The following NR2F1-AS1 variants were observed in gnomAD, a reference collection of about 807,000 sequenced individuals.
The protein encoded by NR2F1-AS1 is NR2F1 antisense RNA 1.
chr5:93,434,831 T>C (rs1180659513), intron 4 of NR2F1-AS1, among the ~76,000 whole-genome samples: 1 of 152,174 alleles, frequency 6.6e-6, no homozygotes, highest in African/African-American at 2.4e-5. Flanking sequence ...ATTTTTTTTA[T>C]AATTAGATTT....
chr5:93,505,875 C>A (rs578229286), intron 4 of NR2F1-AS1, among the ~76,000 whole-genome samples: 2 of 152,140 alleles, frequency 1.3e-5, no homozygotes, highest in East Asian at 1.9e-4. Context: ...ATTTTCCCCA[C>A]GGTCTTGGGG....
intron 4 of NR2F1-AS1, among the ~76,000 whole-genome samples, chr5:93,505,458 A>G (rs1318202559): frequency 6.6e-6 from 1 of 152,158 alleles, no homozygotes; most frequent in Non-Finnish European, 1.5e-5. Flanking sequence ...CTCCAACCCC[A>G]CATTTCCCTT....
chr5:93,501,840 A>G (rs1387562440), intron 4 of NR2F1-AS1, among the ~76,000 whole-genome samples: 1 of 152,206 alleles, frequency 6.6e-6, no homozygotes. Flanking sequence ...ATGCTCTCAA[A>G]CAGTGTCATA....
chr5:93,501,065 G>A (rs1045581094), intron 4 of NR2F1-AS1, among the ~76,000 whole-genome samples: 2 of 152,102 alleles, frequency 1.3e-5, no homozygotes, highest in African/African-American at 2.4e-5. Context: ...TTTCATAAAA[G>A]GAGATCAAAA....
intron 4 of NR2F1-AS1, among the ~76,000 whole-genome samples, chr5:93,455,428 T>A (rs1469390511): frequency 6.6e-5 from 10 of 151,594 alleles, no homozygotes. Flanking sequence ...GGTTAATAAG[T>A]CAACAGAAGA....
intron 4 of NR2F1-AS1, among the ~76,000 whole-genome samples, chr5:93,482,316 G>A (rs980330013): frequency 1.1e-4 from 16 of 152,088 alleles, no homozygotes; most frequent in African/African-American, 3.9e-4. Flanking sequence ...CGAAGCAGGT[G>A]GGGCATCACC....
intron 4 of NR2F1-AS1, among the ~76,000 whole-genome samples, chr5:93,531,729 A>T (rs1235365106): frequency 1.3e-5 from 2 of 152,212 alleles, no homozygotes; most frequent in Non-Finnish European, 2.9e-5. Flanking sequence ...ATGAAAAGAC[A>T]TCAAAACTGA....
chr5:93,573,348 A>T (rs75438180), intron 1 of NR2F1-AS1, among the ~76,000 whole-genome samples: 5,072 of 152,216 alleles, frequency 0.033, 274 homozygotes, highest in African/African-American at 0.12. Context: ...GGAATTAGGG[A>T]ATTCGGGACG....
At chr5:93,504,477 A>AG (rs1751145613) in intron 4 of NR2F1-AS1, among the ~76,000 whole-genome samples, 1 of 152,216 alleles carries the variant, frequency 6.6e-6, no homozygotes, top group Non-Finnish European at 1.5e-5. Flanking sequence ...AGAATAAAAA[A>AG]TAGGAAAAGC....
upstream of NR2F1-AS1, chr5:93,581,395 T>C (rs187892603): frequency 5.9e-5 from 9 of 152,074 alleles, no homozygotes; most frequent in East Asian, 1.6e-3. Context: ...ATGTAACTAA[T>C]AGAAGTATCA....
intron 4 of NR2F1-AS1, among the ~76,000 whole-genome samples, chr5:93,545,523 C>G (rs1482131807): frequency 6.6e-6 from 1 of 152,176 alleles, no homozygotes; most frequent in African/African-American, 2.4e-5. Flanking sequence ...ATCTCTAAGG[C>G]CAAATTCATT....
At chr5:93,564,144 A>C (rs1444870890) in intron 1 of NR2F1-AS1, among the ~76,000 whole-genome samples, 1 of 130,334 alleles carries the variant, frequency 7.7e-6, no homozygotes, top group Non-Finnish European at 1.5e-5. Flanking sequence ...AAAAAAAAAA[A>C]AAAAAACACA....
chr5:93,426,800 C>T (rs1031032026), intron 4 of NR2F1-AS1, among the ~76,000 whole-genome samples: 4 of 152,166 alleles, frequency 2.6e-5, no homozygotes, highest in African/African-American at 9.7e-5. Context: ...GGCAGATAAA[C>T]AACTTCGCAG....
chr5:93,487,785 A>C (rs909114868), intron 4 of NR2F1-AS1, among the ~76,000 whole-genome samples: 6 of 152,190 alleles, frequency 3.9e-5, no homozygotes, highest in African/African-American at 1.4e-4. Flanking sequence ...TGTATAGCCA[A>C]CACAATCCTA....
At chr5:93,467,741 T>C (rs561537642) in intron 4 of NR2F1-AS1, among the ~76,000 whole-genome samples, 2 of 152,328 alleles carry the variant, frequency 1.3e-5, no homozygotes, top group East Asian at 1.9e-4. Context: ...GTTTGTTACA[T>C]AGGTATACAT....
chr5:93,513,861 A>T (rs573473348), intron 4 of NR2F1-AS1, among the ~76,000 whole-genome samples: 1 of 152,246 alleles, frequency 6.6e-6, no homozygotes, highest in African/African-American at 2.4e-5. Context: ...TCCCAACATT[A>T]ATAAGGCAAT....
At chr5:93,522,181 ACAATAGACACTGGGGT>A (rs1751515311) in intron 4 of NR2F1-AS1, among the ~76,000 whole-genome samples, 1 of 152,148 alleles carries the variant, frequency 6.6e-6, no homozygotes, top group Non-Finnish European at 1.5e-5. Context: ...AAAGAAGGGA[ACAATAGACACTGGGGT>A]CTACCTGAGG....
chr5:93,429,459 G>T (rs765726772), intron 4 of NR2F1-AS1, among the ~76,000 whole-genome samples: 13 of 152,120 alleles, frequency 8.5e-5, no homozygotes, highest in Non-Finnish European at 1.5e-5. Flanking sequence ...AATCCATCCT[G>T]TGACAATCTG....
At chr5:93,462,927 C>T (rs780197491) in intron 4 of NR2F1-AS1, among the ~76,000 whole-genome samples, 2 of 152,102 alleles carry the variant, frequency 1.3e-5, no homozygotes, top group African/African-American at 2.4e-5. Flanking sequence ...AAACAGAGCA[C>T]ATAAGTTCAG....
Sources: allele counts gnomAD v4.1 joint callset (sites outside exome capture counted in the v4.1 genomes callset), GRCh38; gene constraint gnomAD v4.1.1; transcripts MANE v1.5; gene names NCBI Gene and HGNC (gene_info 2026-07-23, HGNC 2026-07-21).